The following ABCA9 variants were observed in gnomAD, a reference collection of about 807,000 sequenced individuals.
ABCA9 encodes ATP binding cassette subfamily A member 9.
Under a neutral mutation model 205.3 loss-of-function variants are expected in ABCA9, and 183 were observed. The ratio of observed to expected loss-of-function variants is 0.89; its 90% CI spans 0.79 to 1.01. The LOEUF (loss-of-function observed/expected upper bound fraction) is 1.01, where lower values mean the gene tolerates loss of function less well. ABCA9 is among the 50% of genes least tolerant of loss of function. The probability of loss-of-function intolerance (pLI) is 0.00; values close to 1 mark genes in which losing one functional copy is unlikely to be tolerated. For synonymous variants in ABCA9, 651 were observed against 683.3 expected (o/e 0.95, Z 0.74); for missense variants, 1,805 against 1,912.4 (o/e 0.94, Z 1.05).
In ABCA9 at chr17:68,990,935, T is replaced by C. The variant is rs769484439; in HGVS notation, c.3739A>G (p.Ile1247Val). The change falls in exon 29 of 39, where the codon ATT (isoleucine) becomes GTT (valine). Residue 1247 changes from isoleucine (I) to valine (V), a missense_variant. Ile to Val is a conservative substitution (Grantham distance 29, BLOSUM62 3). Coordinates refer to ENST00000340001, the MANE Select transcript of ABCA9 (RefSeq NM_080283.4). The stretch of plus-strand genomic sequence containing the variant: ...TCAGGCTCTTCTGGGTTTGGAAAAA[T>C]AGCGTTGCTTCTTGGAGAAATTCTG... The part of the protein sequence containing the change: ...VFRISPRSNA[I>V]FPNPEEPEGE... 37 of 1,611,770 alleles carry C rather than the reference T, an allele frequency of 2.3e-5. No homozygotes were observed. The highest frequency in any genetic ancestry group is 2.5e-5 in the Non-Finnish European group (29 of 1,179,492).
Position 69,020,386 on chromosome 17 carries a change from A to G in ABCA9, c.2600+2T>C, listed in dbSNP as rs1179780929. On this transcript the variant is annotated splice_donor_variant, in intron 19 of 38. Transcript: ENST00000340001. LOFTEE classifies it high-confidence loss of function. The stretch of plus-strand genomic sequence containing the variant: ...ACAAATCTGAAACACTCAGATACTC[A>G]CATAGTCCACAGGCTTTTTCTTTCT... 6.2e-7 allele frequency: 1 copy of G among 1,610,644 alleles called. No individual in the cohort carries two copies. Among genetic ancestry groups the G allele is most frequent in the Non-Finnish European group, 8.5e-7 (1 of 1,178,902 alleles).
At chr17:69,011,888 T>TA in intron 23 of ABCA9, 88 bp downstream of exon 23, 1 of 762,394 alleles carries the variant, frequency 1.3e-6, no homozygotes, top group Admixed American at 3.2e-5. Context: ...AAATTAGATT[T>TA]ACCACTTGCA....
intron 25 of ABCA9, among the ~76,000 whole-genome samples, chr17:68,999,461 A>AT (rs1307582123): frequency 7.1e-6 from 1 of 140,682 alleles, no homozygotes; most frequent in South Asian, 2.5e-4. Flanking sequence ...TGAACTCATC[A>AT]TTTTTTATGG....
intron 30 of ABCA9, among the ~76,000 whole-genome samples, chr17:68,989,525 G>A (rs536431404): frequency 1.8e-4 from 28 of 152,222 alleles, no homozygotes; most frequent in Non-Finnish European, 2.5e-4. Flanking sequence ...TGTAGTATTC[G>A]CTGCAATAAC....
At chr17:69,066,271 C>T in the ABCA9 span, among the ~76,000 whole-genome samples, 7 of 152,064 alleles carry the variant, frequency 4.6e-5, no homozygotes, top group South Asian at 4.1e-4. Flanking sequence ...AAATCATCAC[C>T]GCTGTGTACC....
chr17:69,026,597 A>G, intron 15 of ABCA9, 130 bp from the exon 16 acceptor site: 4 of 822,538 alleles, frequency 4.9e-6, no homozygotes, highest in Non-Finnish European at 7.6e-6. Context: ...AATTCTGGCC[A>G]TACGTAAACC....
intron 22 of ABCA9, among the ~76,000 whole-genome samples, chr17:69,014,147 AAC>A (rs2070489955): frequency 6.6e-6 from 1 of 152,146 alleles, no homozygotes; most frequent in African/African-American, 2.4e-5. Flanking sequence ...GTCTAATAAT[AAC>A]ACAAGTTGAG....
At position 69,035,434 on chromosome 17, in the gene ABCA9, G is replaced by T; in HGVS notation, c.943-3C>A. ...CTCATCAGGAAAGCTAAAGTTATCTGAGAAAAGAGAAAGACTTCAGCTGGT... is the reference window on the plus strand; with the variant it reads ...CTCATCAGGAAAGCTAAAGTTATCTTAGAAAAGAGAAAGACTTCAGCTGGT... On this transcript the variant is annotated splice_polypyrimidine_tract_variant and splice_region_variant and intron_variant, in intron 7 of 38. Transcript: ENST00000340001. 1 of 1,560,898 alleles carries T rather than the reference G, an allele frequency of 6.4e-7. No homozygotes were observed. Among genetic ancestry groups the T allele is most frequent in the South Asian group, 1.3e-5 (1 of 79,336 alleles).
chr17:69,010,225 A>AT (rs2144198698), intron 23 of ABCA9, among the ~76,000 whole-genome samples: 1 of 152,080 alleles, frequency 6.6e-6, no homozygotes, highest in Non-Finnish European at 1.5e-5. Flanking sequence ...CCATGCATAG[A>AT]TTTTTAAGAT....
In ABCA9 at chr17:69,017,698, G is replaced by T; in HGVS notation, c.2859C>A (p.Asp953Glu). The T allele has an allele frequency of 6.2e-7, 1 of 1,613,366 alleles. No homozygotes were observed. Among genetic ancestry groups the T allele is most frequent in the Middle Eastern group, 1.7e-4 (1 of 6,054 alleles). ...DAFGTRNGTD[D>E]PSYNGAIIVS... ...CAATGATAGCACCATTGTAAGATGG[G>T]TCATCTGTGCCATTTCTAGTTCCAA... Residue 953 changes from aspartate (D) to glutamate (E), a missense_variant, in exon 21 of 39, where the codon GAC (aspartate) becomes GAA (glutamate). Asp to Glu is a conservative substitution (Grantham distance 45, BLOSUM62 2). Transcript: ENST00000340001.
Position 68,974,679 on chromosome 17 carries a change from G to A in ABCA9, c.*1236C>T, listed in dbSNP as rs1176410705. 1.3e-5 allele frequency: 2 copies of A among 152,244 alleles called. No homozygotes were observed. Among genetic ancestry groups the A allele is most frequent in the South Asian group, 4.1e-4 (2 of 4,820 alleles). 9.4% of individuals were successfully genotyped at this position (152,244 alleles called of 1,614,324 possible). Reference sequence around the variant, plus strand: ...AAGGTGTTCATAGGGTTACCAGTTGGATAGGTCATAATAATATATAGAGAT... The same window carrying A: ...AAGGTGTTCATAGGGTTACCAGTTGAATAGGTCATAATAATATATAGAGAT... On this transcript the variant is annotated 3_prime_UTR_variant, in exon 39 of 39. Transcript: ENST00000340001.
the ABCA9 span, among the ~76,000 whole-genome samples, chr17:69,067,601 A>AAAAG: frequency 6.3e-4 from 92 of 147,136 alleles, no homozygotes; most frequent in South Asian, 1.3e-3. Flanking sequence ...AGAGAAAGAA[A>AAAAG]AAAGAAAGAA....
the ABCA9 span, among the ~76,000 whole-genome samples, chr17:69,069,867 A>T: frequency 6.6e-6 from 1 of 152,156 alleles, no homozygotes; most frequent in African/African-American, 2.4e-5. Context: ...TTTATACTAT[A>T]TCTGATGTTG....
At chr17:68,989,618 A>G (rs1175662334) in intron 30 of ABCA9, among the ~76,000 whole-genome samples, 195 bp downstream of exon 30, 1 of 152,206 alleles carries the variant, frequency 6.6e-6, no homozygotes, top group Non-Finnish European at 1.5e-5. Flanking sequence ...TTTGTGTTAC[A>G]GAACAGACAT....
intron 16 of ABCA9, 98 bp downstream of exon 16, chr17:69,026,279 A>C (rs1046750852): frequency 1.1e-6 from 1 of 885,062 alleles, no homozygotes. Context: ...AAATGAACTT[A>C]GTGGTTATAG....
chr17:69,076,899 CTTTT>C, the ABCA9 span, among the ~76,000 whole-genome samples: 236 of 151,850 alleles, frequency 1.6e-3, no homozygotes, highest in African/African-American at 5.5e-3. Flanking sequence ...GATTTTCTCT[CTTTT>C]TTTTCTTTTT....
Position 69,024,421 on chromosome 17 carries a change from T to C in ABCA9, c.2142-68A>G, listed in dbSNP as rs539251672. 31 of 1,380,712 alleles carry C rather than the reference T, an allele frequency of 2.2e-5. No homozygotes were observed. In the African/African-American group the frequency reaches 4.3e-4, roughly 19 times the overall value. The allele number at this position is 1,380,712 out of a possible 1,614,324, so 85.5% of individuals were successfully genotyped here. The stretch of plus-strand genomic sequence containing the variant: ...TCTATAAAACAATTTCCTAATTATG[T>C]AGTATGTGCTTGTCACTTTATTAAT... On this transcript the variant is annotated intron_variant, in intron 16 of 38. Transcript: ENST00000340001.
At chr17:69,014,532 T>C (rs1377498778) in intron 22 of ABCA9, among the ~76,000 whole-genome samples, 2 of 152,182 alleles carry the variant, frequency 1.3e-5, no homozygotes, top group African/African-American at 4.8e-5. Flanking sequence ...TTTCAAAGTC[T>C]GCTTGGGACA....
intron 25 of ABCA9, among the ~76,000 whole-genome samples, chr17:68,999,678 T>C (rs1486033652): frequency 1.3e-5 from 2 of 152,024 alleles, no homozygotes; most frequent in African/African-American, 4.8e-5. Context: ...TATTTCTAGT[T>C]CTAGATCCCT....
Sources: allele counts gnomAD v4.1 joint callset (sites outside exome capture counted in the v4.1 genomes callset), GRCh38; gene constraint gnomAD v4.1.1; transcripts MANE v1.5; gene names NCBI Gene and HGNC (gene_info 2026-07-23, HGNC 2026-07-21).